The following ST14 variants were observed in gnomAD, a reference collection of about 807,000 sequenced individuals.
ST14 encodes the protein ST14 transmembrane serine protease matriptase, also known as suppressor of tumorigenicity 14 protein.
ST14 carries 40 observed loss-of-function variants against 96.5 expected under a neutral mutation model. The ratio of observed to expected loss-of-function variants is 0.41; its 90% CI spans 0.32 to 0.54. ST14 has a LOEUF of 0.54. ST14 is among the 20% of genes least tolerant of loss of function. The pLI is 0.17. For synonymous variants in ST14, 506 were observed against 492.1 expected (o/e 1.03, Z -0.37); for missense variants, 1,066 against 1,188.9 (o/e 0.90, Z 1.52).
chr11:130,173,621 C>T (rs1485405579), intron 1 of ST14, among the ~76,000 whole-genome samples: 1 of 151,868 alleles, frequency 6.6e-6, no homozygotes, highest in Non-Finnish European at 1.5e-5. Flanking sequence ...ATCAAACACC[C>T]TCCAACAAAA....
chr11:130,192,644 G>A (rs1029867479), intron 7 of ST14, among the ~76,000 whole-genome samples: 1 of 152,144 alleles, frequency 6.6e-6, no homozygotes, highest in Non-Finnish European at 1.5e-5. Flanking sequence ...TGCCTGCCTT[G>A]GCCTCCCAAA....
rs772448861 is a variant in ST14, at chr11:130,189,913, G to A, written c.598+17G>A. 1.2e-6 allele frequency: 2 copies of A among 1,613,516 alleles called. No homozygotes were observed. Among genetic ancestry groups the A allele is most frequent in the South Asian group, 1.1e-5 (1 of 91,050 alleles). ...TGGCTTTCCGTGAGTCCGAGGGCCA[G>A]GGGTGGGCGTGGGACTGGCCAGCCT... On this transcript the variant is annotated intron_variant, in intron 5 of 18. Coordinates refer to ENST00000278742, the MANE Select transcript of ST14 (RefSeq NM_021978.4).
At chr11:130,193,884 C>T (rs943606571) in intron 7 of ST14, among the ~76,000 whole-genome samples, 229 of 149,842 alleles carry the variant, frequency 1.5e-3, no homozygotes, top group African/African-American at 5.7e-3. Flanking sequence ...GTGATTGTGA[C>T]AAAGGTGAAC....
intron 16 of ST14, among the ~76,000 whole-genome samples, chr11:130,200,437 G>A (rs1474265610): frequency 5.9e-5 from 9 of 152,104 alleles, no homozygotes; most frequent in Non-Finnish European, 1.2e-4. Context: ...ATCACATGGC[G>A]AGAACAGGAG....
Position 130,208,601 on chromosome 11 carries a change from C to T in ST14, c.2186C>T (p.Pro729Leu), listed in dbSNP as rs771720273. ...KPAEYSSMVR[P>L]ICLPDASHVF... is the part of the protein sequence containing the mutation. Reference sequence around the variant, plus strand: ...GCAGAGTACAGCTCCATGGTGCGGCCCATCTGCCTGCCGGACGCCTCCCAT... The same window carrying T: ...GCAGAGTACAGCTCCATGGTGCGGCTCATCTGCCTGCCGGACGCCTCCCAT... Residue 729 changes from proline to leucine, a missense_variant, in exon 17 of 19, where the codon CCC (proline) becomes CTC (leucine). Physicochemically the swap from Pro to Leu is moderately conservative, Grantham distance 98 (BLOSUM62 -3). Transcript: ENST00000278742. 2 of 1,614,126 alleles carry T rather than the reference C, an allele frequency of 1.2e-6. No homozygotes were observed. The highest frequency in any genetic ancestry group is 1.7e-6 in the Non-Finnish European group (2 of 1,180,014).
At chr11:130,192,960 A>G (rs1360035812) in intron 7 of ST14, among the ~76,000 whole-genome samples, 1 of 152,178 alleles carries the variant, frequency 6.6e-6, no homozygotes, top group Non-Finnish European at 1.5e-5. Flanking sequence ...CTTATTAACC[A>G]TGAGATGTTG....
intron 16 of ST14, among the ~76,000 whole-genome samples, 154 bp downstream of exon 16, chr11:130,200,291 G>A (rs915933089): frequency 8.5e-5 from 13 of 152,204 alleles, no homozygotes; most frequent in African/African-American, 2.7e-4. Flanking sequence ...CCTGAGACTG[G>A]GTCATTTATA....
At chr11:130,168,523 T>G (rs1953061621) in intron 1 of ST14, among the ~76,000 whole-genome samples, 1 of 152,150 alleles carries the variant, frequency 6.6e-6, no homozygotes, top group Non-Finnish European at 1.5e-5. Flanking sequence ...GTGATTGCAG[T>G]GCTGATCACA....
chr11:130,179,273 C>T (rs1185010720), intron 1 of ST14, among the ~76,000 whole-genome samples: 1 of 152,204 alleles, frequency 6.6e-6, no homozygotes, highest in African/African-American at 2.4e-5. Context: ...GCATTTGTTT[C>T]AGTTGATTGT....
At chr11:130,179,073 T>C (rs1389614739) in intron 1 of ST14, among the ~76,000 whole-genome samples, 1 of 152,164 alleles carries the variant, frequency 6.6e-6, no homozygotes, top group Non-Finnish European at 1.5e-5. Flanking sequence ...CTAAGCCAGC[T>C]TCTCCTCCTG....
At chr11:130,205,698 C>CTTTTTT (rs1565629180) in intron 16 of ST14, among the ~76,000 whole-genome samples, 6 of 120,866 alleles carry the variant, frequency 5.0e-5, no homozygotes, top group African/African-American at 5.9e-5. Flanking sequence ...CTTCTTTAGA[C>CTTTTTT]GTTTTTTTTT....
chr11:130,190,777 C>A, intron 7 of ST14, 83 bp downstream of exon 7: 1 of 1,455,210 alleles, frequency 6.9e-7, no homozygotes, highest in Non-Finnish European at 9.1e-7. Flanking sequence ...GATTGGGATA[C>A]AGTTTATGAC....
chr11:130,162,401 T>G (rs1366050064), intron 1 of ST14, among the ~76,000 whole-genome samples: 1 of 152,120 alleles, frequency 6.6e-6, no homozygotes, highest in African/African-American at 2.4e-5. Flanking sequence ...TGTTGAGTAT[T>G]TGATGGTGAA....
At chr11:130,166,547 C>G (rs1376160641) in intron 1 of ST14, among the ~76,000 whole-genome samples, 1 of 152,196 alleles carries the variant, frequency 6.6e-6, no homozygotes, top group African/African-American at 2.4e-5. Flanking sequence ...GGGCATTTGC[C>G]TACCAGCTCC....
intron 4 of ST14, 93 bp from the exon 5 acceptor site, chr11:130,189,646 C>A: frequency 6.5e-7 from 1 of 1,546,566 alleles, no homozygotes; most frequent in Non-Finnish European, 8.8e-7. Flanking sequence ...CCCAGGTGTG[C>A]CCCGAGCCGC....
chr11:130,201,479 C>A (rs951977632), intron 16 of ST14, among the ~76,000 whole-genome samples: 1 of 152,260 alleles, frequency 6.6e-6, no homozygotes, highest in African/African-American at 2.4e-5. Context: ...TGTGCTCAGA[C>A]CCATGCACAG....
chr11:130,194,844 A>C, intron 9 of ST14, 107 bp downstream of exon 9: 2 of 882,788 alleles, frequency 2.3e-6, no homozygotes, highest in Non-Finnish European at 3.4e-6. Flanking sequence ...GTGTTTGCAT[A>C]TGTGTGCATG....
At chr11:130,207,401 A>C (rs752515268) in intron 16 of ST14, among the ~76,000 whole-genome samples, 2 of 152,170 alleles carry the variant, frequency 1.3e-5, no homozygotes, top group African/African-American at 4.8e-5. Flanking sequence ...AAATACAAAA[A>C]TTAGCCAGGC....
chr11:130,208,712 G>A (rs775619116), intron 17 of ST14, 28 bp downstream of exon 17: 2 of 1,603,104 alleles, frequency 1.2e-6, no homozygotes, highest in African/African-American at 1.3e-5. Context: ...CTAGGGCTCC[G>A]CAGAGGGCCT....
Sources: gnomAD v4.1 joint callset for allele counts (sites outside exome capture counted in the v4.1 genomes callset) on GRCh38, gnomAD v4.1.1 for gene constraint, MANE v1.5 for transcripts, NCBI Gene and HGNC (gene_info 2026-07-23, HGNC 2026-07-21) for gene names.